Variants in FBLN2 observed in about 807,000 individuals in gnomAD.
FBLN2 encodes fibulin-2.
FBLN2 carries 81 observed loss-of-function variants against 123.7 expected under a neutral mutation model. That is an observed-to-expected ratio of 0.65 (90% CI 0.55 to 0.79). The LOEUF (loss-of-function observed/expected upper bound fraction) is 0.79, where lower values mean the gene tolerates loss of function less well. FBLN2 is among the 30% of genes least tolerant of loss of function. The pLI is 0.00. For missense variants in FBLN2, 1,603 were observed against 1,681.3 expected, an observed-to-expected ratio of 0.95 and a Z score of 0.81; for synonymous variants, 699 against 701.4, an observed-to-expected ratio of 1.00 and a Z score of 0.05.
At chr3:13,633,836 G>T (rs1305547978) in intron 16 of FBLN2, among the ~76,000 whole-genome samples, 4 of 152,170 alleles carry the variant, frequency 2.6e-5, no homozygotes, top group Non-Finnish European at 5.9e-5. Flanking sequence ...GCAATGCCCA[G>T]CACATAGTAG....
At chr3:13,614,603 C>CT (rs1346943231) in intron 5 of FBLN2, among the ~76,000 whole-genome samples, 1 of 110,686 alleles carries the variant, frequency 9.0e-6, no homozygotes, top group Admixed American at 7.7e-5. Flanking sequence ...TCCATCCATC[C>CT]ATCCACCCAT....
At chr3:13,600,034 AGAGAGAGAGAGC>A (rs1463342580) in intron 2 of FBLN2, among the ~76,000 whole-genome samples, 8 of 139,588 alleles carry the variant, frequency 5.7e-5, no homozygotes, top group Admixed American at 4.2e-4. Flanking sequence ...AGAGAGAGAG[AGAGAGAGAGAGC>A]GAGAGAGAGA....
chr3:13,604,785 A>G (rs1479274625), intron 2 of FBLN2, among the ~76,000 whole-genome samples: 2 of 152,340 alleles, frequency 1.3e-5, no homozygotes, highest in East Asian at 1.9e-4. Context: ...ACAGGTTGTG[A>G]TGGAAGCTGT....
chr3:13,601,335 T>C (rs752836997), intron 2 of FBLN2, among the ~76,000 whole-genome samples: 1 of 152,238 alleles, frequency 6.6e-6, no homozygotes, highest in African/African-American at 2.4e-5. Context: ...ATAAGCCGCC[T>C]GGGCAGAGTT....
At chr3:13,566,063 G>C (rs1236428181) in intron 1 of FBLN2, among the ~76,000 whole-genome samples, 1 of 152,224 alleles carries the variant, frequency 6.6e-6, no homozygotes, top group Non-Finnish European at 1.5e-5. Flanking sequence ...GGTGCAGTGT[G>C]ACTGCCTGGC....
chr3:13,573,390 T>G (rs961659826), intron 2 of FBLN2, among the ~76,000 whole-genome samples: 6 of 152,082 alleles, frequency 3.9e-5, no homozygotes, highest in African/African-American at 1.4e-4. Context: ...GAGCCTTCCC[T>G]GACCCCCAGG....
chr3:13,592,245 C>T (rs534472442), intron 2 of FBLN2, among the ~76,000 whole-genome samples: 10 of 151,848 alleles, frequency 6.6e-5, no homozygotes, highest in African/African-American at 9.7e-5. Context: ...AGGCTGCTCT[C>T]GAACTCCTGA....
At chr3:13,564,268 T>G (rs969774551) in intron 1 of FBLN2, among the ~76,000 whole-genome samples, 5 of 152,138 alleles carry the variant, frequency 3.3e-5, no homozygotes, top group Non-Finnish European at 5.9e-5. Context: ...TATGGGTTTC[T>G]TTGTCACTGT....
intron 2 of FBLN2, among the ~76,000 whole-genome samples, chr3:13,585,699 G>A (rs1488484266): frequency 6.6e-6 from 1 of 152,170 alleles, no homozygotes. Context: ...GCCAAGGCAG[G>A]AGAATCGCTT....
rs1706140738 is a variant in FBLN2, at chr3:13,628,836, CCCTGGGAGGGGCTGGGG to C, written c.2570-59_2570-43del. The C allele has an allele frequency of 9.0e-6, 14 of 1,563,580 alleles. No homozygotes were observed. The South Asian group carries it at 1.3e-4, about 15-fold the overall frequency. On this transcript the variant is annotated intron_variant, in intron 11 of 17. Transcript: ENST00000404922. ...CAGGACCGACCCCCTCCCAGTGTGG[CCCTGGGAGGGGCTGGGG>C]CCTGGGAGGACACCATGCCGGGCTC...
intron 2 of FBLN2, among the ~76,000 whole-genome samples, chr3:13,577,471 G>A (rs1045093051): frequency 6.6e-6 from 1 of 152,186 alleles, no homozygotes; most frequent in African/African-American, 2.4e-5. Context: ...AGGCTGTCCA[G>A]GGCCTGTGGC....
chr3:13,584,595 A>G (rs1457019022), intron 2 of FBLN2, among the ~76,000 whole-genome samples: 1 of 152,220 alleles, frequency 6.6e-6, no homozygotes, highest in Non-Finnish European at 1.5e-5. Context: ...AGCCGTGGCC[A>G]TAGGTAGAGG....
intron 3 of FBLN2, among the ~76,000 whole-genome samples, chr3:13,608,642 G>A (rs1390179924): frequency 6.6e-6 from 1 of 152,170 alleles, no homozygotes. Flanking sequence ...TTCTGACTCT[G>A]ATACCACAGC....
intron 2 of FBLN2, among the ~76,000 whole-genome samples, chr3:13,584,818 G>A (rs1704446828): frequency 6.6e-6 from 1 of 152,248 alleles, no homozygotes; most frequent in South Asian, 2.1e-4. Context: ...GCAGCCTCAA[G>A]CTCATCTCTG....
intron 2 of FBLN2, among the ~76,000 whole-genome samples, chr3:13,573,072 C>G (rs1238636829): frequency 6.6e-6 from 1 of 152,166 alleles, no homozygotes; most frequent in Admixed American, 6.5e-5. Context: ...CTCACAGACC[C>G]ACAGACATTG....
At position 13,621,866 on chromosome 3, in the gene FBLN2, A is replaced by G; in HGVS notation, c.2247A>G (p.Thr749=). The G allele has an allele frequency of 6.2e-7, 1 of 1,614,014 alleles. No individual in the cohort carries two copies. The highest frequency in any genetic ancestry group is 8.5e-7 in the Non-Finnish European group (1 of 1,179,886). The change falls in exon 9 of 18, where the codon ACA becomes ACG. Residue 749 remains threonine, a synonymous_variant. Transcript: ENST00000404922. ...GATCCTTCTACTGTGTCAACCACAC[A>G]GTGCTCTGTGCCGATGGCTATATCC... ...TLGSFYCVNH[T]VLCADGYILN... is the part of the protein sequence containing the mutation.
rs1559422394 is a variant in FBLN2, at chr3:13,619,007, T to A, written c.2043T>A (p.Asn681Lys). 3 of 1,609,990 alleles carry A rather than the reference T, an allele frequency of 1.9e-6. No individual in the cohort carries two copies. Among genetic ancestry groups the A allele is most frequent in the Non-Finnish European group, 2.5e-6 (3 of 1,178,112 alleles). Residue 681 changes from asparagine to lysine, a missense_variant, in exon 7 of 18, where the codon AAT (asparagine) becomes AAA (lysine). Coordinates refer to ENST00000404922, the MANE Select transcript of FBLN2 (RefSeq NM_001004019.2). ...TCCCGCTGCCACTGCCGCAGCCCAATACCTGCAAAGGTAAGCAGTGTGGGT... is the reference window on the plus strand; with the variant it reads ...TCCCGCTGCCACTGCCGCAGCCCAAAACCTGCAAAGGTAAGCAGTGTGGGT... ...NTIPLPLPQP[N>K]TCKDNGPCKQ...
intron 2 of FBLN2, among the ~76,000 whole-genome samples, chr3:13,593,742 A>C (rs1336051333): frequency 6.6e-6 from 1 of 151,056 alleles, no homozygotes; most frequent in Non-Finnish European, 1.5e-5. Context: ...AGTGGAAGAT[A>C]ATTGCCCCTA....
chr3:13,596,816 TG>T (rs1704857736), intron 2 of FBLN2, among the ~76,000 whole-genome samples: 1 of 152,150 alleles, frequency 6.6e-6, no homozygotes, highest in Non-Finnish European at 1.5e-5. Context: ...TCTTTATCCT[TG>T]TGTATCTGGC....
Sources: allele counts gnomAD v4.1 joint callset (sites outside exome capture counted in the v4.1 genomes callset), GRCh38; gene constraint gnomAD v4.1.1; transcripts MANE v1.5; gene names NCBI Gene and HGNC (gene_info 2026-07-23, HGNC 2026-07-21).